The following ANKRD13D variants were observed in gnomAD, a reference collection of about 807,000 sequenced individuals.
ANKRD13D encodes ankyrin repeat domain-containing protein 13D.
In ANKRD13D, 24 loss-of-function variants were observed where a neutral mutation model predicts 68.8. The ratio of observed to expected loss-of-function variants is 0.35; its 90% CI spans 0.25 to 0.49. The LOEUF is 0.49. ANKRD13D is among the 20% of genes least tolerant of loss of function. The pLI, the probability that ANKRD13D is intolerant of heterozygous loss-of-function variation, is 0.99. For missense variants in ANKRD13D, 735 were observed against 832.1 expected (o/e 0.88, Z 1.44); for synonymous variants, 331 against 336.1 (o/e 0.98, Z 0.16).
At position 67,302,248 on chromosome 11, in the gene ANKRD13D, G is replaced by T; in HGVS notation, c.1734G>T (p.Arg578=). 6.4e-7 allele frequency: 1 copy of T among 1,572,478 alleles called. No individual in the cohort carries two copies. The highest frequency in any genetic ancestry group is 1.8e-5 in the Admixed American group (1 of 54,146). Residue 578 remains arginine (R), a synonymous_variant, in exon 15 of 15, where the codon CGG becomes CGT. Transcript: ENST00000511455. The part of the protein sequence containing the change: ...QLRLALELSS[R]EQEERERRGQ... ...GCCTGGCCCTGGAGTTGTCTTCACGGGAGCAGGAGGAGCGGGAGCGGCGCG... is the reference window on the plus strand; with the variant it reads ...GCCTGGCCCTGGAGTTGTCTTCACGTGAGCAGGAGGAGCGGGAGCGGCGCG...
rs377483619 is a variant in ANKRD13D, at chr11:67,301,246, C to G, written c.1232-36C>G. On this transcript the variant is annotated intron_variant, in intron 11 of 14. Coordinates refer to ENST00000511455, the MANE Select transcript of ANKRD13D (RefSeq NM_207354.3). The surrounding 1 kb of genome is among the most constrained non-coding windows in gnomAD (Gnocchi z 4.5). ...GCAGGGGCCGGAGGCACAGGTGGCT[C>G]TCCGCCAGGGCTCAGGCGTGGCTGT... 1 of 1,597,848 alleles carries G rather than the reference C, an allele frequency of 6.3e-7. No homozygotes were observed. The highest frequency in any genetic ancestry group is 1.3e-5 in the African/African-American group (1 of 74,722).
At chr11:67,298,761 C>A in intron 6 of ANKRD13D, 2 of 408,130 alleles carry the variant, frequency 4.9e-6, no homozygotes, top group Non-Finnish European at 9.1e-6. Flanking sequence ...CCTAATGTTT[C>A]TAGTAAATGC....
chr11:67,299,104 G>A lies in ANKRD13D; in HGVS notation c.778G>A (p.Val260Ile). ...CTGGCGGTCTGAGAAGATGGAAACT[G>A]TTAGCGGCTACGAGGCCAAGGCAGG... ...WGWRSEKMET[V>I]SGYEAKVYSA... Residue 260 changes from valine to isoleucine, a missense_variant, in exon 7 of 15, where the codon GTT becomes ATT. Transcript: ENST00000511455. This position sits in a 1 kb window ranked among gnomAD's most constrained non-coding sequence, Gnocchi z 6.2. 6.2e-7 allele frequency: 1 copy of A among 1,606,452 alleles called. No individual in the cohort carries two copies. Among genetic ancestry groups the A allele is most frequent in the Non-Finnish European group, 8.5e-7 (1 of 1,173,626 alleles).
Position 67,300,839 on chromosome 11 carries a change from CG to C in ANKRD13D, c.1074-146del. The stretch of plus-strand genomic sequence containing the variant: ...GCCACGTGGCCAGGACACCAGCTCC[CG>C]GGGGAGGCGGGCAGCGGCATCTGAG... On this transcript the variant is annotated intron_variant, in intron 10 of 14. Transcript: ENST00000511455. This position sits in a 1 kb window ranked among gnomAD's most constrained non-coding sequence, Gnocchi z 4.3. The C allele has an allele frequency of 5.0e-6, 5 of 991,038 alleles. No individual in the cohort carries two copies. The highest frequency in any genetic ancestry group is 7.2e-6 in the Non-Finnish European group (5 of 692,692). 61.4% of individuals were successfully genotyped at this position (991,038 alleles called of 1,614,324 possible).
chr11:67,290,051 C>T (rs1476904000), intron 1 of ANKRD13D, 27 bp from the exon 2 acceptor site: 24 of 1,532,986 alleles, frequency 1.6e-5, no homozygotes, highest in Non-Finnish European at 2.0e-5. Context: ...TCTCTCCTGC[C>T]CTTTGTGAGT....
intron 6 of ANKRD13D, chr11:67,298,521 T>C (rs1860851377): frequency 6.3e-6 from 1 of 158,594 alleles, no homozygotes; most frequent in African/African-American, 2.4e-5. Context: ...GTTGATCTTC[T>C]AGTTGTTCTA....
chr11:67,290,352 C>T lies in ANKRD13D; in HGVS notation c.257C>T (p.Pro86Leu), dbSNP rs1440748295. The change falls in exon 3 of 15, where the codon CCC (proline) becomes CTC (leucine). Residue 86 changes from proline to leucine, a missense_variant. Pro to Leu is a moderately conservative substitution (Grantham distance 98). Transcript: ENST00000511455. ...VLQEAVSTGD[P>L]EMVQLVLQYR... ...CAGGAGGCAGTCAGCACTGGAGACC[C>T]CGAGATGGTGCAGCTGGTGCTCCAG... 2 of 1,567,988 alleles carry T rather than the reference C, an allele frequency of 1.3e-6. No individual in the cohort carries two copies. Among genetic ancestry groups the T allele is most frequent in the Non-Finnish European group, 1.7e-6 (2 of 1,156,644 alleles).
chr11:67,301,606 C>T lies in ANKRD13D; in HGVS notation c.1467C>T (p.Phe489=), dbSNP rs149238471. ...LRDEDDDLLQ[F]AIQQSLLEAG... is the part of the protein sequence containing the mutation. Reference sequence around the variant, plus strand: ...ACGAGGACGATGACCTCCTGCAGTTCGCCATCCAGCAGAGCCTGCTTGAAG... The same window carrying T: ...ACGAGGACGATGACCTCCTGCAGTTTGCCATCCAGCAGAGCCTGCTTGAAG... The change falls in exon 13 of 15, where the codon TTC becomes TTT. Residue 489 remains phenylalanine (F), a synonymous_variant. Coordinates refer to ENST00000511455, the MANE Select transcript of ANKRD13D (RefSeq NM_207354.3). This position sits in a 1 kb window ranked among gnomAD's most constrained non-coding sequence, Gnocchi z 4.5. 52 of 1,612,772 alleles carry T rather than the reference C, an allele frequency of 3.2e-5. No homozygotes were observed. The African/African-American group carries it at 3.9e-4, about 12-fold the overall frequency.
rs1206595825 is a variant in ANKRD13D at position 67,290,039 on chromosome 11, C to T, written c.91-39C>T. The T allele has an allele frequency of 6.6e-6, 10 of 1,525,204 alleles. No homozygotes were observed. In the African/African-American group the frequency reaches 9.6e-5, roughly 15 times the overall value. 94.5% of individuals were successfully genotyped at this position (1,525,204 alleles called of 1,614,324 possible). A position where few individuals can be genotyped will look rare whatever the true frequency, so the allele number is the denominator to read the frequency against. Reference sequence around the variant, plus strand: ...CCTGGCAGCCTCCCTGCCTTGCCCTCTTCTCTCCTGCCCTTTGTGAGTGTC... The same window carrying T: ...CCTGGCAGCCTCCCTGCCTTGCCCTTTTCTCTCCTGCCCTTTGTGAGTGTC... On this transcript the variant is annotated intron_variant, in intron 1 of 14. Coordinates refer to ENST00000511455, the MANE Select transcript of ANKRD13D (RefSeq NM_207354.3).
intron 3 of ANKRD13D, chr11:67,291,110 C>T (rs546145886): frequency 7.4e-6 from 2 of 270,490 alleles, no homozygotes; most frequent in South Asian, 3.8e-5. Context: ...GTAATCCCAG[C>T]GCTTTCTGAG....
chr11:67,300,562 G>C lies in ANKRD13D; in HGVS notation c.1074-428G>C. 2.8e-6 allele frequency: 1 copy of C among 358,050 alleles called. No homozygotes were observed. The allele number at this position is 358,050 out of a possible 1,614,324, so 22.2% of individuals were successfully genotyped here. A position where few individuals can be genotyped will look rare whatever the true frequency, so the allele number is the denominator to read the frequency against. ...CCTAGCGCTCTCCCCACCATCTCAG[G>C]AGGATTCTCTTAGCCACCCAACAGT... On this transcript the variant is annotated intron_variant, in intron 10 of 14. Transcript: ENST00000511455. This position sits in a 1 kb window ranked among gnomAD's most constrained non-coding sequence, Gnocchi z 4.3.
At position 67,289,318 on chromosome 11, in the gene ANKRD13D, C is replaced by A. The variant is rs1418595678; in HGVS notation, c.-143C>A. The stretch of plus-strand genomic sequence containing the variant: ...CGCCCGCCCCGCCCTCCCTGCCGCC[C>A]GCGCTGCCGCCGCCGCCGCCGCCGC... On this transcript the variant is annotated 5_prime_UTR_variant, in exon 1 of 15. Transcript: ENST00000511455. The A allele has an allele frequency of 3.0e-6, 1 of 336,686 alleles. No individual in the cohort carries two copies. The highest frequency in any genetic ancestry group is 4.2e-6 in the Non-Finnish European group (1 of 239,390). The allele number at this position is 336,686 out of a possible 1,614,324, so 20.9% of individuals were successfully genotyped here. A position where few individuals can be genotyped will look rare whatever the true frequency, so the allele number is the denominator to read the frequency against.
chr11:67,291,802 G>T, intron 5 of ANKRD13D, 56 bp downstream of exon 5: 1 of 1,597,360 alleles, frequency 6.3e-7, no homozygotes, highest in Non-Finnish European at 8.5e-7. Flanking sequence ...CCTGCGGCTT[G>T]GGAGGACGGT....
chr11:67,293,058 T>C (rs769820498), intron 6 of ANKRD13D, among the ~76,000 whole-genome samples: 12 of 152,222 alleles, frequency 7.9e-5, no homozygotes, highest in Non-Finnish European at 1.8e-4. Flanking sequence ...TCGATAGACA[T>C]TTGGGTTATT....
Position 67,301,272 on chromosome 11 carries a change from C to G in ANKRD13D, c.1232-10C>G. On this transcript the variant is annotated splice_polypyrimidine_tract_variant and intron_variant, in intron 11 of 14. Transcript: ENST00000511455. This position sits in a 1 kb window ranked among gnomAD's most constrained non-coding sequence, Gnocchi z 4.5. ...TCCGCCAGGGCTCAGGCGTGGCTGT[C>G]TTCTCACAGAGATTCCCCTTTTCCA... The G allele has an allele frequency of 6.2e-7, 1 of 1,607,938 alleles. No homozygotes were observed. The highest frequency in any genetic ancestry group is 8.5e-7 in the Non-Finnish European group (1 of 1,176,594).
intron 6 of ANKRD13D, among the ~76,000 whole-genome samples, chr11:67,293,113 G>A (rs1051003830): frequency 4.6e-5 from 7 of 152,116 alleles, no homozygotes; most frequent in African/African-American, 1.7e-4. Flanking sequence ...GTATTCATGT[G>A]CAAGTTTTTG....
At chr11:67,296,663 T>A (rs1004519277) in intron 6 of ANKRD13D, among the ~76,000 whole-genome samples, 1 of 152,152 alleles carries the variant, frequency 6.6e-6, no homozygotes, top group African/African-American at 2.4e-5. Context: ...AGAGTCTTAC[T>A]CTGTCACCCA....
Position 67,289,558 on chromosome 11 carries a change from C to T in ANKRD13D, c.90+8C>T, listed in dbSNP as rs1358850264. 2 of 1,524,134 alleles carry T rather than the reference C, an allele frequency of 1.3e-6. No individual in the cohort carries two copies. The highest frequency in any genetic ancestry group is 2.5e-5 in the East Asian group (1 of 39,398). 94.4% of individuals were successfully genotyped at this position (1,524,134 alleles called of 1,614,324 possible). A position where few individuals can be genotyped will look rare whatever the true frequency, so the allele number is the denominator to read the frequency against. ...GCACTGCACAGCCACCAGGTGAGGC[C>T]CCGCTGGGGCACCCGGCCCTTCCCC... On this transcript the variant is annotated splice_region_variant and intron_variant, in intron 1 of 14. Transcript: ENST00000511455.
chr11:67,300,841 G>C lies in ANKRD13D; in HGVS notation c.1074-149G>C. The C allele has an allele frequency of 1.0e-6, 1 of 1,004,084 alleles. No homozygotes were observed. Among genetic ancestry groups the C allele is most frequent in the East Asian group, 2.7e-5 (1 of 37,288 alleles). 62.2% of individuals were successfully genotyped at this position (1,004,084 alleles called of 1,614,324 possible). Reference sequence around the variant, plus strand: ...CACGTGGCCAGGACACCAGCTCCCGGGGGAGGCGGGCAGCGGCATCTGAGC... The same window carrying C: ...CACGTGGCCAGGACACCAGCTCCCGCGGGAGGCGGGCAGCGGCATCTGAGC... On this transcript the variant is annotated intron_variant, in intron 10 of 14. Transcript: ENST00000511455. This position sits in a 1 kb window ranked among gnomAD's most constrained non-coding sequence, Gnocchi z 4.3.
Sources: allele counts gnomAD v4.1 joint callset (sites outside exome capture counted in the v4.1 genomes callset), GRCh38; gene constraint gnomAD v4.1.1; non-coding constraint Gnocchi (gnomAD v3.1); transcripts MANE v1.5; gene names NCBI Gene and HGNC (gene_info 2026-07-23, HGNC 2026-07-21).